WNT7A: variants seen among roughly 807,000 people sequenced by gnomAD.
The protein encoded by WNT7A is Wnt family member 7A.
WNT7A carries 16 observed loss-of-function variants against 28.2 expected under a neutral mutation model. That is an observed-to-expected ratio of 0.57 (90% CI 0.38 to 0.86). WNT7A has a LOEUF of 0.86. WNT7A is among the 40% of genes least tolerant of loss of function. WNT7A has a pLI of 0.00. For missense variants in WNT7A, 411 were observed against 489.7 expected (o/e 0.84, Z 1.52); for synonymous variants, 190 against 195.9 (o/e 0.97, Z 0.25).
chr3:13,842,685 T>C (rs1009420316), intron 3 of WNT7A, among the ~76,000 whole-genome samples: 8 of 152,324 alleles, frequency 5.3e-5, no homozygotes, highest in African/African-American at 1.7e-4. Context: ...ACTGGAAGGA[T>C]GCAGATGCTA....
chr3:13,851,279 G>T (rs2124854965), intron 3 of WNT7A, among the ~76,000 whole-genome samples: 1 of 152,282 alleles, frequency 6.6e-6, no homozygotes, highest in East Asian at 1.9e-4. Flanking sequence ...CCCACTCCTT[G>T]TTCTGGCATT....
At position 13,856,880 on chromosome 3, in the gene WNT7A, G is replaced by A. The variant is rs188934535; in HGVS notation, c.299-2077C>T. Among the ~76,000 whole-genome samples the A allele has an allele frequency of 3.0e-3, 279 of 91,574 alleles. 1 individual carries two copies. Among genetic ancestry groups the A allele is most frequent in the South Asian group, 0.013 (33 of 2,608 alleles). 60.1% of individuals were successfully genotyped at this position (91,574 alleles called of 152,430 possible). A position where few individuals can be genotyped will look rare whatever the true frequency, so the allele number is the denominator to read the frequency against. On this transcript the variant is annotated intron_variant, in intron 2 of 3. Transcript: ENST00000285018. ...AAGAGGAAGAGGAAGAGGAAGAAGAGGAAGAAGAAGAAAAAGAAGAAGAAG... is the reference window on the plus strand; with the variant it reads ...AAGAGGAAGAGGAAGAGGAAGAAGAAGAAGAAGAAGAAAAAGAAGAAGAAG...
chr3:13,838,214 A>G (rs1449605186), intron 3 of WNT7A, among the ~76,000 whole-genome samples: 6 of 152,194 alleles, frequency 3.9e-5, no homozygotes, highest in Non-Finnish European at 7.3e-5. Flanking sequence ...GAGCTGCTGC[A>G]GGAGTGGAGA....
chr3:13,847,567 G>A (rs563170133), intron 3 of WNT7A, among the ~76,000 whole-genome samples: 2 of 152,332 alleles, frequency 1.3e-5, no homozygotes, highest in African/African-American at 4.8e-5. Context: ...TGACAGTGGA[G>A]GCTAGGGAGG....
chr3:13,841,951 G>A (rs1694464130), intron 3 of WNT7A, among the ~76,000 whole-genome samples: 1 of 152,194 alleles, frequency 6.6e-6, no homozygotes, highest in Non-Finnish European at 1.5e-5. Context: ...AGTGTCTGCA[G>A]GGAGAGCATT....
At chr3:13,869,637 GAC>G (rs1205855527) in intron 2 of WNT7A, among the ~76,000 whole-genome samples, 7 of 104,690 alleles carry the variant, frequency 6.7e-5, no homozygotes, top group Admixed American at 5.7e-4. Flanking sequence ...AGGAAAGAAA[GAC>G]ACAGAAAAGT....
intron 3 of WNT7A, among the ~76,000 whole-genome samples, chr3:13,839,419 T>C (rs575941769): frequency 1.2e-3 from 184 of 152,364 alleles, no homozygotes; most frequent in African/African-American, 4.0e-3. Context: ...TATTAAGTCA[T>C]TGATGCCTTT....
intron 2 of WNT7A, among the ~76,000 whole-genome samples, chr3:13,870,451 A>G (rs1385124884): frequency 3.3e-5 from 5 of 152,062 alleles, no homozygotes; most frequent in African/African-American, 9.7e-5. Flanking sequence ...TGGACAATTC[A>G]TTTCTGCTGT....
At chr3:13,855,299 T>C (rs1386364479) in intron 2 of WNT7A, among the ~76,000 whole-genome samples, 1 of 152,224 alleles carries the variant, frequency 6.6e-6, no homozygotes, top group Admixed American at 6.5e-5. Flanking sequence ...GGACTACTCC[T>C]CCCTGCATCT....
intron 3 of WNT7A, among the ~76,000 whole-genome samples, chr3:13,825,532 A>G (rs1694179721): frequency 6.6e-6 from 1 of 152,250 alleles, no homozygotes; most frequent in African/African-American, 2.4e-5. Context: ...TGTTCCCACC[A>G]TGGCTGACTT....
intron 2 of WNT7A, among the ~76,000 whole-genome samples, chr3:13,871,336 G>A (rs571597152): frequency 1.4e-4 from 21 of 152,272 alleles, no homozygotes; most frequent in South Asian, 1.0e-3. Flanking sequence ...GAGGAGGAGC[G>A]CAGTGACCCT....
chr3:13,875,401 C>G (rs374022614), intron 1 of WNT7A, among the ~76,000 whole-genome samples: 10 of 152,238 alleles, frequency 6.6e-5, no homozygotes, highest in African/African-American at 2.4e-4. Flanking sequence ...CATACACACA[C>G]TTGATTTTTG....
chr3:13,872,808 C>A (rs1264706491), intron 2 of WNT7A, among the ~76,000 whole-genome samples: 1 of 152,162 alleles, frequency 6.6e-6, no homozygotes, highest in Admixed American at 6.5e-5. Context: ...GGGGACTATT[C>A]CAATGCCAGT....
intron 3 of WNT7A, among the ~76,000 whole-genome samples, chr3:13,830,737 A>T (rs1172855197): frequency 6.6e-6 from 1 of 152,082 alleles, no homozygotes; most frequent in East Asian, 1.9e-4. Context: ...CACTTTCTCT[A>T]CTAACACTGC....
rs1460893648 is a variant in WNT7A, at chr3:13,818,858, A to G, written c.*86T>C. ...CCTCAGCAGAAAAGACAAGCTCAGC[A>G]TCCTGCCAGGGAGCCCGCAGCTTGG... On this transcript the variant is annotated 3_prime_UTR_variant, in exon 4 of 4. Coordinates refer to ENST00000285018, the MANE Select transcript of WNT7A (RefSeq NM_004625.4). 1 of 1,489,042 alleles carries G rather than the reference A, an allele frequency of 6.7e-7. No individual in the cohort carries two copies. Among genetic ancestry groups the G allele is most frequent in the Admixed American group, 2.3e-5 (1 of 43,506 alleles). The allele number at this position is 1,489,042 out of a possible 1,614,324, so 92.2% of individuals were successfully genotyped here.
At chr3:13,830,123 A>G (rs1177537725) in intron 3 of WNT7A, among the ~76,000 whole-genome samples, 1 of 151,958 alleles carries the variant, frequency 6.6e-6, no homozygotes, top group Non-Finnish European at 1.5e-5. Flanking sequence ...TGGTACTGCT[A>G]TCTCCCATGC....
intron 2 of WNT7A, among the ~76,000 whole-genome samples, chr3:13,855,776 C>T (rs993603288): frequency 1.3e-5 from 2 of 152,124 alleles, no homozygotes; most frequent in Non-Finnish European, 2.9e-5. Flanking sequence ...GAGCACTGGG[C>T]AAGTTCACTC....
chr3:13,852,024 C>A (rs897453530), intron 3 of WNT7A, among the ~76,000 whole-genome samples: 44 of 152,388 alleles, frequency 2.9e-4, no homozygotes, highest in African/African-American at 8.4e-4. Context: ...AGCTTCCTTG[C>A]GGTGTTGCCC....
intron 3 of WNT7A, among the ~76,000 whole-genome samples, chr3:13,820,590 T>C (rs1256537706): frequency 1.3e-5 from 2 of 152,058 alleles, no homozygotes; most frequent in African/African-American, 2.4e-5. Flanking sequence ...AATTCCAGCT[T>C]TTCTGAGAAA....
Sources: gnomAD v4.1 joint callset for allele counts (sites outside exome capture counted in the v4.1 genomes callset) on GRCh38, gnomAD v4.1.1 for gene constraint, MANE v1.5 for transcripts, NCBI Gene and HGNC (gene_info 2026-07-23, HGNC 2026-07-21) for gene names.